Variants in MYO1B observed in about 807,000 individuals in gnomAD.
The protein encoded by MYO1B is myosin IB.
MYO1B carries 72 observed loss-of-function variants against 159.7 expected under a neutral mutation model. The ratio of observed to expected loss-of-function variants is 0.45; its 90% CI spans 0.37 to 0.55. The LOEUF is 0.55. Among genes scored for constraint, MYO1B ranks in the 20% least tolerant of loss-of-function variants. MYO1B has a pLI of 0.00. For synonymous variants in MYO1B, 468 were observed against 473.8 expected (o/e 0.99, Z 0.16); for missense variants, 1,062 against 1,364.8 (o/e 0.78, Z 3.50).
chr2:191,412,871 A>G (rs1004420122), intron 27 of MYO1B, among the ~76,000 whole-genome samples: 1 of 152,128 alleles, frequency 6.6e-6, no homozygotes, highest in Non-Finnish European at 1.5e-5. Flanking sequence ...CTGATTCTGA[A>G]TGTTTGCTTT....
intron 3 of MYO1B, among the ~76,000 whole-genome samples, chr2:191,304,171 G>A (rs1689502861): frequency 1.3e-5 from 2 of 152,170 alleles, no homozygotes; most frequent in South Asian, 4.1e-4. Context: ...ACATCTCTGG[G>A]CGTCGCACCT....
At chr2:191,347,415 G>A (rs1164221436) in intron 6 of MYO1B, among the ~76,000 whole-genome samples, 2 of 152,166 alleles carry the variant, frequency 1.3e-5, no homozygotes, top group East Asian at 1.9e-4. Context: ...AAGTGTGGGC[G>A]ATAGAAGTAA....
chr2:191,321,393 T>C (rs1378241711), intron 3 of MYO1B, among the ~76,000 whole-genome samples: 1 of 152,198 alleles, frequency 6.6e-6, no homozygotes, highest in Non-Finnish European at 1.5e-5. Context: ...CCAAAAAGTT[T>C]GGAAACATTT....
chr2:191,376,769 A>C (rs1201262616), intron 13 of MYO1B, among the ~76,000 whole-genome samples: 1 of 152,202 alleles, frequency 6.6e-6, no homozygotes, highest in Non-Finnish European at 1.5e-5. Flanking sequence ...TCTGTCCCAA[A>C]TACAGAGGGA....
chr2:191,422,173 T>G (rs1302673329), intron 30 of MYO1B, among the ~76,000 whole-genome samples: 1 of 152,186 alleles, frequency 6.6e-6, no homozygotes, highest in Non-Finnish European at 1.5e-5. Flanking sequence ...TTGACTCACT[T>G]TAGTAATGTG....
intron 3 of MYO1B, among the ~76,000 whole-genome samples, chr2:191,303,179 T>C (rs567753939): frequency 3.3e-5 from 5 of 152,070 alleles, no homozygotes; most frequent in African/African-American, 9.7e-5. Context: ...TTCTTTTATG[T>C]AGTCAGTTTT....
intron 20 of MYO1B, among the ~76,000 whole-genome samples, chr2:191,394,113 A>G (rs1695925440): frequency 2.0e-5 from 3 of 152,250 alleles, no homozygotes; most frequent in Non-Finnish European, 2.9e-5. Context: ...TAAGCTAAAG[A>G]AAATCAGCTT....
At chr2:191,370,094 A>T (rs571293689) in intron 12 of MYO1B, 133 bp from the exon 13 acceptor site, 10 of 641,074 alleles carry the variant, frequency 1.6e-5, no homozygotes, top group Admixed American at 6.2e-5. Context: ...TACATTTTTT[A>T]AAAAACAACT....
intron 4 of MYO1B, among the ~76,000 whole-genome samples, chr2:191,337,294 C>T (rs1166261741): frequency 6.6e-6 from 1 of 152,098 alleles, no homozygotes; most frequent in African/African-American, 2.4e-5. Context: ...TTATATAATT[C>T]TATGTTGTGT....
chr2:191,369,432 T>G lies in MYO1B; in HGVS notation c.1033-110T>G, dbSNP rs989201113. The G allele has an allele frequency of 5.0e-6, 4 of 800,536 alleles. No individual in the cohort carries two copies. The African/African-American group carries it at 6.9e-5, about 14-fold the overall frequency. The allele number at this position is 800,536 out of a possible 1,614,324, so 49.6% of individuals were successfully genotyped here. On this transcript the variant is annotated intron_variant, in intron 11 of 30. Transcript: ENST00000392318. Reference sequence around the variant, plus strand: ...TACAAGAAAACTGGTTCTGCAAAGATGTGAAATAAAAGAGCTTCAAATATT... The same window carrying G: ...TACAAGAAAACTGGTTCTGCAAAGAGGTGAAATAAAAGAGCTTCAAATATT...
chr2:191,322,522 C>T (rs1048735644), intron 3 of MYO1B, among the ~76,000 whole-genome samples: 18 of 152,048 alleles, frequency 1.2e-4, no homozygotes, highest in East Asian at 1.9e-4. Flanking sequence ...TGGTCCTGGG[C>T]GGGGCAGACT....
intron 15 of MYO1B, 114 bp from the exon 16 acceptor site, chr2:191,385,770 C>A: frequency 8.8e-7 from 1 of 1,133,016 alleles, no homozygotes; most frequent in Non-Finnish European, 1.3e-6. Flanking sequence ...TTTGTTATAA[C>A]TGAACAGACT....
intron 1 of MYO1B, among the ~76,000 whole-genome samples, chr2:191,255,974 T>C (rs527430278): frequency 3.9e-5 from 6 of 152,324 alleles, no homozygotes; most frequent in African/African-American, 1.2e-4. Flanking sequence ...GGGCCTTCTA[T>C]GTTTTTTCCA....
chr2:191,331,317 G>T (rs570290353), intron 4 of MYO1B, among the ~76,000 whole-genome samples: 1 of 149,078 alleles, frequency 6.7e-6, no homozygotes, highest in Non-Finnish European at 1.5e-5. Flanking sequence ...CCTGGTGTAG[G>T]CTCCTCCACA....
intron 29 of MYO1B, 32 bp from the exon 30 acceptor site, chr2:191,416,082 TA>T: frequency 6.2e-7 from 1 of 1,602,942 alleles, no homozygotes; most frequent in Non-Finnish European, 8.5e-7. Flanking sequence ...AAGGTATCTT[TA>T]ATTATGACCG....
At chr2:191,319,487 A>T (rs1350153259) in intron 3 of MYO1B, among the ~76,000 whole-genome samples, 1 of 152,152 alleles carries the variant, frequency 6.6e-6, no homozygotes, top group Non-Finnish European at 1.5e-5. Context: ...TAAGACATGG[A>T]TTTGGCTAAG....
chr2:191,320,454 C>G (rs896479386), intron 3 of MYO1B, among the ~76,000 whole-genome samples: 1 of 152,084 alleles, frequency 6.6e-6, no homozygotes, highest in African/African-American at 2.4e-5. Flanking sequence ...TTTGCCAATT[C>G]ACTTTTCTTT....
chr2:191,315,721 T>G (rs996002092), intron 3 of MYO1B, among the ~76,000 whole-genome samples: 2 of 152,226 alleles, frequency 1.3e-5, no homozygotes, highest in African/African-American at 2.4e-5. Context: ...CTCCCAAAAC[T>G]TAGTAATGCA....
At chr2:191,292,360 A>G (rs990451311) in intron 2 of MYO1B, among the ~76,000 whole-genome samples, 32 of 152,112 alleles carry the variant, frequency 2.1e-4, no homozygotes, top group Admixed American at 5.2e-4. Flanking sequence ...GCCCAAGATG[A>G]TTGGGACATT....
Sources: gnomAD v4.1 joint callset for allele counts (sites outside exome capture counted in the v4.1 genomes callset) on GRCh38, gnomAD v4.1.1 for gene constraint, MANE v1.5 for transcripts, NCBI Gene and HGNC (gene_info 2026-07-23, HGNC 2026-07-21) for gene names.